The following UBE2E1 variants were observed in gnomAD, a reference collection of about 807,000 sequenced individuals.
UBE2E1 encodes the protein ubiquitin conjugating enzyme E2 E1, also known as ubiquitin-conjugating enzyme E2 E1.
UBE2E1 carries 6 observed loss-of-function variants against 21.4 expected under a neutral mutation model. The ratio of observed to expected loss-of-function variants is 0.28; its 90% CI spans 0.15 to 0.55. The LOEUF (loss-of-function observed/expected upper bound fraction) is 0.55. Ranked by LOEUF, UBE2E1 falls within the 20% of genes least tolerant of loss-of-function variation. The pLI is 0.93. For synonymous variants in UBE2E1, 87 were observed against 82.7 expected, an observed-to-expected ratio of 1.05 and a Z score of -0.28; for missense variants, 142 against 236.5, an observed-to-expected ratio of 0.60 and a Z score of 2.62.
chr3:23,879,039 C>T, intron 3 of UBE2E1: 1 of 502,098 alleles, frequency 2.0e-6, no homozygotes. Context: ...ACTTGATGAG[C>T]TCAGTTCACC....
In UBE2E1 at chr3:23,863,754, TC is replaced by T. The variant is rs1700599885; in HGVS notation, c.204-23810del. The stretch of plus-strand genomic sequence containing the variant: ...CATGTTGGTCAGGCTGGTCTCAAAC[TC>T]CCGATCTCAGGTCATCCACCCACCT... On this transcript the variant is annotated intron_variant, in intron 3 of 5. Transcript: ENST00000306627. This position sits in a 1 kb window ranked among gnomAD's most constrained non-coding sequence, Gnocchi z 4.3. Among the ~76,000 whole-genome samples the T allele has an allele frequency of 6.6e-6, 1 of 152,072 alleles. No individual in the cohort carries two copies. The highest frequency in any genetic ancestry group is 2.4e-5 in the African/African-American group (1 of 41,396).
chr3:23,885,635 C>T (rs912713399), intron 3 of UBE2E1, among the ~76,000 whole-genome samples: 20 of 150,504 alleles, frequency 1.3e-4, no homozygotes, highest in Admixed American at 3.3e-4. Context: ...CCGAGGCGGG[C>T]GGATCACCTG....
intron 3 of UBE2E1, among the ~76,000 whole-genome samples, chr3:23,821,908 T>C (rs767362778): frequency 1.3e-5 from 2 of 151,664 alleles, no homozygotes; most frequent in Non-Finnish European, 2.9e-5. Flanking sequence ...AGCTCTGAGA[T>C]ACATACACAT....
At chr3:23,864,338 A>G (rs1700611215) in intron 3 of UBE2E1, among the ~76,000 whole-genome samples, 1 of 151,272 alleles carries the variant, frequency 6.6e-6, no homozygotes, top group African/African-American at 2.4e-5. Context: ...CAATGTGGAA[A>G]CTCATGGCCT....
chr3:23,834,388 T>C (rs1699933805), intron 3 of UBE2E1, among the ~76,000 whole-genome samples: 1 of 152,218 alleles, frequency 6.6e-6, no homozygotes, highest in South Asian at 2.1e-4. Flanking sequence ...TTCTAAAATA[T>C]GTCTAATTGT....
chr3:23,852,970 G>A (rs1226386274), intron 3 of UBE2E1, among the ~76,000 whole-genome samples: 3 of 151,336 alleles, frequency 2.0e-5, no homozygotes, highest in South Asian at 2.1e-4. Context: ...AGGCTGGAAT[G>A]CAATGGCATG....
intron 2 of UBE2E1, 25 bp from the exon 3 acceptor site, chr3:23,811,433 TTG>T: frequency 6.2e-7 from 1 of 1,613,892 alleles, no homozygotes; most frequent in South Asian, 1.1e-5. Flanking sequence ...CTTCTTGTGT[TTG>T]TCTTTCCCAT....
intron 2 of UBE2E1, 91 bp downstream of exon 2, chr3:23,807,512 C>G (rs1699304421): frequency 2.0e-6 from 3 of 1,500,172 alleles, no homozygotes; most frequent in East Asian, 2.3e-5. Context: ...ATAGCTTAAA[C>G]GCTCCTCATG....
At chr3:23,871,214 T>C (rs1277012109) in intron 3 of UBE2E1, among the ~76,000 whole-genome samples, 1 of 146,840 alleles carries the variant, frequency 6.8e-6, no homozygotes, top group Non-Finnish European at 1.5e-5. Flanking sequence ...GACGGGGTGG[T>C]GGCCGGGCAG....
Position 23,810,687 on chromosome 3 carries a change from T to G in UBE2E1, c.153-773T>G. The G allele has an allele frequency of 1.6e-6, 1 of 637,638 alleles. No homozygotes were observed. Among genetic ancestry groups the G allele is most frequent in the Non-Finnish European group, 2.5e-6 (1 of 402,418 alleles). 39.5% of individuals were successfully genotyped at this position (637,638 alleles called of 1,614,324 possible). A position where few individuals can be genotyped will look rare whatever the true frequency, so the allele number is the denominator to read the frequency against. On this transcript the variant is annotated intron_variant, in intron 2 of 5. Transcript: ENST00000306627. This position sits in a 1 kb window ranked among gnomAD's most constrained non-coding sequence, Gnocchi z 5.8. ...TTTCGCGCGCGGTCTCGGGCCAAGG[T>G]TCTGGGCGCCGGGAGAGGAGAGCTG...
chr3:23,834,540 C>G (rs1388630799), intron 3 of UBE2E1, among the ~76,000 whole-genome samples: 1 of 152,146 alleles, frequency 6.6e-6, no homozygotes, highest in East Asian at 1.9e-4. Context: ...AACAGCACTG[C>G]TAGCTGCTCC....
At chr3:23,869,085 A>T (rs1575028513) in intron 3 of UBE2E1, among the ~76,000 whole-genome samples, 1 of 152,168 alleles carries the variant, frequency 6.6e-6, no homozygotes, top group South Asian at 2.1e-4. Flanking sequence ...CCTTAGGGTA[A>T]GTTCCAAGAA....
At chr3:23,871,046 G>C (rs916181027) in intron 3 of UBE2E1, among the ~76,000 whole-genome samples, 2 of 151,892 alleles carry the variant, frequency 1.3e-5, no homozygotes, top group Non-Finnish European at 2.9e-5. Flanking sequence ...TCTTAGTACA[G>C]AACAAAATGA....
At chr3:23,881,898 G>A (rs981214194) in intron 3 of UBE2E1, among the ~76,000 whole-genome samples, 1 of 152,136 alleles carries the variant, frequency 6.6e-6, no homozygotes, top group Admixed American at 6.6e-5. Flanking sequence ...GACCTTCGTG[G>A]TGAGTGTTAC....
intron 4 of UBE2E1, among the ~76,000 whole-genome samples, chr3:23,888,854 TA>T (rs1216664673): frequency 6.6e-6 from 1 of 152,230 alleles, no homozygotes; most frequent in Non-Finnish European, 1.5e-5. Context: ...GAAATGTTAA[TA>T]TTTAAAAGAT....
chr3:23,819,654 G>A (rs945959883), intron 3 of UBE2E1, among the ~76,000 whole-genome samples: 1 of 152,112 alleles, frequency 6.6e-6, no homozygotes, highest in African/African-American at 2.4e-5. Flanking sequence ...TAATTTGGTC[G>A]GATGGTTTAA....
chr3:23,874,663 C>G (rs1470942592), intron 3 of UBE2E1, among the ~76,000 whole-genome samples: 1 of 152,060 alleles, frequency 6.6e-6, no homozygotes, highest in Non-Finnish European at 1.5e-5. Flanking sequence ...ACTTCTTGGG[C>G]GAAAGGGCAG....
At chr3:23,847,040 G>A (rs1308172471) in intron 3 of UBE2E1, among the ~76,000 whole-genome samples, 1 of 152,092 alleles carries the variant, frequency 6.6e-6, no homozygotes, top group Non-Finnish European at 1.5e-5. Context: ...GGAATTCATT[G>A]TACAAAAGAA....
At chr3:23,833,510 C>A (rs1248446556) in intron 3 of UBE2E1, among the ~76,000 whole-genome samples, 1 of 152,110 alleles carries the variant, frequency 6.6e-6, no homozygotes, top group Non-Finnish European at 1.5e-5. Flanking sequence ...TTCAGAACGC[C>A]ACATGAGAGT....
Sources: gnomAD v4.1 joint callset for allele counts (sites outside exome capture counted in the v4.1 genomes callset) on GRCh38, gnomAD v4.1.1 for gene constraint, Gnocchi (gnomAD v3.1) non-coding constraint, MANE v1.5 for transcripts, NCBI Gene and HGNC (gene_info 2026-07-23, HGNC 2026-07-21) for gene names.